The following PAPPA2 variants were observed in gnomAD, a reference collection of about 807,000 sequenced individuals.
PAPPA2 encodes pappalysin-2.
A neutral mutation model predicts 176.4 loss-of-function variants in PAPPA2; 86 were observed. That is an observed-to-expected ratio of 0.49 (90% CI 0.41 to 0.58). The LOEUF is 0.58. Ranked by LOEUF, PAPPA2 falls within the 20% of genes least tolerant of loss-of-function variation. The probability of loss-of-function intolerance (pLI) is 0.00; values close to 1 mark genes in which losing one functional copy is unlikely to be tolerated. For synonymous variants in PAPPA2, 809 were observed against 852.2 expected (o/e 0.95, Z 0.88); for missense variants, 2,073 against 2,256.9 (o/e 0.92, Z 1.65).
chr1:176,576,152 A>G lies in PAPPA2; in HGVS notation c.920-18372A>G, dbSNP rs534587641. Among the ~76,000 whole-genome samples, 4 of 152,282 alleles carry G rather than the reference A, an allele frequency of 2.6e-5. No individual in the cohort carries two copies. The East Asian group carries it at 5.8e-4, about 22-fold the overall frequency. On this transcript the variant is annotated intron_variant, in intron 2 of 22. Coordinates refer to ENST00000367662, the MANE Select transcript of PAPPA2 (RefSeq NM_020318.3). Reference sequence around the variant, plus strand: ...AGGCTGTTTTTGGCAAATGGTTGCTAAATGGTTTTCTGGAATGGTTTACTA... The same window carrying G: ...AGGCTGTTTTTGGCAAATGGTTGCTGAATGGTTTTCTGGAATGGTTTACTA...
intron 6 of PAPPA2, among the ~76,000 whole-genome samples, chr1:176,695,095 T>C (rs1660310161): frequency 6.6e-6 from 1 of 152,164 alleles, no homozygotes; most frequent in African/African-American, 2.4e-5. Flanking sequence ...AAAGGCATGA[T>C]GTATTTGTGG....
At chr1:176,507,269 C>A (rs1282369983) in intron 1 of PAPPA2, among the ~76,000 whole-genome samples, 1 of 151,890 alleles carries the variant, frequency 6.6e-6, no homozygotes, top group Non-Finnish European at 1.5e-5. Context: ...ATGACTGTTA[C>A]TAAAAAGTAA....
rs555892177 is a variant in PAPPA2, at chr1:176,565,605, G to A, written c.919+8364G>A. Among the ~76,000 whole-genome samples the A allele has an allele frequency of 2.0e-5, 3 of 152,294 alleles. No individual in the cohort carries two copies. The East Asian group carries it at 5.8e-4, about 29-fold the overall frequency. On this transcript the variant is annotated intron_variant, in intron 2 of 22. Transcript: ENST00000367662. ...AGCTACTCAGGAGGCTGAGGTGGGG[G>A]GATCACCTGAGCCTGGTGAGGTCGA...
intron 3 of PAPPA2, among the ~76,000 whole-genome samples, chr1:176,600,580 G>T (rs1175809676): frequency 6.6e-6 from 1 of 150,512 alleles, no homozygotes; most frequent in African/African-American, 2.5e-5. Flanking sequence ...GGAGGCTGAG[G>T]CAGGAGAATG....
chr1:176,646,607 C>T (rs1443548598), intron 3 of PAPPA2, among the ~76,000 whole-genome samples: 8 of 150,208 alleles, frequency 5.3e-5, no homozygotes, highest in Non-Finnish European at 1.0e-4. Context: ...TCTCTGTTAC[C>T]GTGAGTTCAA....
intron 3 of PAPPA2, among the ~76,000 whole-genome samples, chr1:176,670,553 C>G (rs1658934039): frequency 6.6e-6 from 1 of 152,066 alleles, no homozygotes; most frequent in Non-Finnish European, 1.5e-5. Flanking sequence ...AGAGATTGAA[C>G]TGGAATTCAA....
chr1:176,725,096 C>T (rs1355362141), intron 12 of PAPPA2, among the ~76,000 whole-genome samples: 2 of 152,148 alleles, frequency 1.3e-5, no homozygotes, highest in African/African-American at 4.8e-5. Flanking sequence ...CTACTACTTC[C>T]GTTAGCATGA....
At position 176,690,174 on chromosome 1, in the gene PAPPA2, T is replaced by C; in HGVS notation, c.2175T>C (p.Pro725=). The part of the protein sequence containing the change: ...IVLSPAYYGM[P]GHTDTMIHEV... ...TCAGCCCAGCATATTATGGGATGCC[T>C]GGCCACACCGACACCATGATCCATG... Residue 725 remains proline (P), a synonymous_variant, in exon 5 of 23, where the codon CCT becomes CCC. Transcript: ENST00000367662. 6.2e-7 allele frequency: 1 copy of C among 1,613,782 alleles called. No homozygotes were observed. The highest frequency in any genetic ancestry group is 8.5e-7 in the Non-Finnish European group (1 of 1,179,700).
intron 7 of PAPPA2, among the ~76,000 whole-genome samples, chr1:176,697,958 C>T (rs957044110): frequency 1.2e-4 from 19 of 152,086 alleles, no homozygotes; most frequent in Admixed American, 1.2e-3. Flanking sequence ...ACAATATAGG[C>T]AAAAAACAAT....
chr1:176,819,091 A>G (rs1666550369), intron 21 of PAPPA2, among the ~76,000 whole-genome samples: 1 of 152,216 alleles, frequency 6.6e-6, no homozygotes, highest in Admixed American at 6.5e-5. Flanking sequence ...ACAGTGACGT[A>G]GTGACTGGCA....
At chr1:176,547,184 C>T (rs984781634) in intron 1 of PAPPA2, among the ~76,000 whole-genome samples, 2 of 152,096 alleles carry the variant, frequency 1.3e-5, no homozygotes, top group African/African-American at 4.8e-5. Context: ...GATATAGAAA[C>T]TTTATGTCAG....
At chr1:176,586,395 A>C (rs1271500989) in intron 2 of PAPPA2, among the ~76,000 whole-genome samples, 4 of 152,092 alleles carry the variant, frequency 2.6e-5, no homozygotes, top group African/African-American at 9.7e-5. Flanking sequence ...TTTGTATGCC[A>C]TGGTGGTTTC....
At position 176,701,757 on chromosome 1, in the gene PAPPA2, G is replaced by A. The variant is rs959468577; in HGVS notation, c.3237-850G>A. On this transcript the variant is annotated intron_variant, in intron 8 of 22. Transcript: ENST00000367662. ...ACCCTTTGAGATCCTGTTTCACTAA[G>A]TAACTCCCATCCTAGCTTGACTTTG... Among the ~76,000 whole-genome samples, 9 of 152,294 alleles carry A rather than the reference G, an allele frequency of 5.9e-5. No homozygotes were observed. In the East Asian group the frequency reaches 1.7e-3, roughly 29 times the overall value.
At chr1:176,669,723 C>T (rs1477246185) in intron 3 of PAPPA2, among the ~76,000 whole-genome samples, 2 of 152,030 alleles carry the variant, frequency 1.3e-5, no homozygotes, top group African/African-American at 4.8e-5. Context: ...GTTTTTGGTT[C>T]TGTTCCAAAA....
At chr1:176,736,054 T>C (rs1392769423) in intron 12 of PAPPA2, among the ~76,000 whole-genome samples, 1 of 152,152 alleles carries the variant, frequency 6.6e-6, no homozygotes. Flanking sequence ...CTTTTGACTT[T>C]CCAGCACTTT....
At chr1:176,554,759 T>C (rs10913201) in intron 1 of PAPPA2, among the ~76,000 whole-genome samples, 3,078 of 152,306 alleles carry the variant, frequency 0.02, 114 homozygotes, top group African/African-American at 0.068. Context: ...GGCATTTCCA[T>C]TTAGTACTTC....
chr1:176,726,359 T>A (rs926975533), intron 12 of PAPPA2, among the ~76,000 whole-genome samples: 1 of 152,210 alleles, frequency 6.6e-6, no homozygotes, highest in African/African-American at 2.4e-5. Flanking sequence ...TCCTGTGAAC[T>A]GTAAGGATCT....
At chr1:176,501,920 A>C (rs914532620) in intron 1 of PAPPA2, among the ~76,000 whole-genome samples, 10 of 152,084 alleles carry the variant, frequency 6.6e-5, no homozygotes, top group Admixed American at 5.9e-4. Flanking sequence ...AAATTAATGC[A>C]CCCTGGTTCA....
intron 1 of PAPPA2, among the ~76,000 whole-genome samples, chr1:176,485,251 CAGAGTA>C (rs1278893091): frequency 1.3e-5 from 2 of 152,176 alleles, no homozygotes; most frequent in Admixed American, 1.3e-4. Context: ...CCATCTCACT[CAGAGTA>C]AAAGTCCTTA....
Sources: allele counts gnomAD v4.1 joint callset (sites outside exome capture counted in the v4.1 genomes callset), GRCh38; gene constraint gnomAD v4.1.1; transcripts MANE v1.5; gene names NCBI Gene and HGNC (gene_info 2026-07-23, HGNC 2026-07-21).